The following PDE4D variants were observed in gnomAD, a reference collection of about 807,000 sequenced individuals.
PDE4D encodes the protein phosphodiesterase 4D, also known as 3',5'-cyclic-AMP phosphodiesterase 4D.
A neutral mutation model predicts 87.4 loss-of-function variants in PDE4D; 24 were observed. That is an observed-to-expected ratio of 0.27 (90% CI 0.20 to 0.39). The LOEUF is 0.39. Among genes scored for constraint, PDE4D ranks in the 10% least tolerant of loss-of-function variants. The pLI, the probability that PDE4D is intolerant of heterozygous loss-of-function variation, is 1.00. For synonymous variants in PDE4D, 384 were observed against 383.2 expected (o/e 1.00, Z -0.02); for missense variants, 714 against 1,041.0 (o/e 0.69, Z 4.32).
At chr5:59,836,144 G>T (rs997608476) in intron 1 of PDE4D, among the ~76,000 whole-genome samples, 2 of 151,944 alleles carry the variant, frequency 1.3e-5, no homozygotes, top group Admixed American at 6.6e-5. Flanking sequence ...TCAGTGGGAG[G>T]TATGTGTTCA....
At chr5:59,299,997 G>C (rs569260696) in intron 1 of PDE4D, among the ~76,000 whole-genome samples, 37 of 151,210 alleles carry the variant, frequency 2.4e-4, no homozygotes, top group Non-Finnish European at 3.5e-4. Flanking sequence ...CTGTAGTCCC[G>C]GCTACTTGGG....
At chr5:59,209,575 T>G (rs1459274617) in intron 2 of PDE4D, among the ~76,000 whole-genome samples, 3 of 152,198 alleles carry the variant, frequency 2.0e-5, no homozygotes. Flanking sequence ...AATATCTCAA[T>G]TTTTTAATAA....
In PDE4D at chr5:60,466,212, G is replaced by A. The variant is rs565385595; in HGVS notation, c.-90+21730C>T. Among the ~76,000 whole-genome samples, 111 of 152,238 alleles carry A rather than the reference G, an allele frequency of 7.3e-4. 1 individual carries two copies. Among genetic ancestry groups the A allele is most frequent in the Middle Eastern group, 6.8e-3 (2 of 294 alleles). ...CAATCTTATTTTAAAACATAGGAACGAGATGGTCATAAATGAGAGGTTACT... is the reference window on the plus strand; with the variant it reads ...CAATCTTATTTTAAAACATAGGAACAAGATGGTCATAAATGAGAGGTTACT... On this transcript the variant is annotated intron_variant, in intron 1 of 16. Transcript: ENST00000502484.
chr5:60,050,883 C>T (rs1302850472), intron 2 of PDE4D, among the ~76,000 whole-genome samples: 2 of 152,052 alleles, frequency 1.3e-5, no homozygotes, highest in East Asian at 3.9e-4. Flanking sequence ...GCAGAGGTTG[C>T]CATCCTAATT....
At chr5:59,650,887 C>A (rs1425682945) in intron 1 of PDE4D, among the ~76,000 whole-genome samples, 1 of 152,064 alleles carries the variant, frequency 6.6e-6, no homozygotes, top group East Asian at 1.9e-4. Context: ...AGGCAACAGC[C>A]CAGCCCAAAT....
chr5:59,254,921 C>T (rs1386056579), intron 1 of PDE4D, among the ~76,000 whole-genome samples: 2 of 152,100 alleles, frequency 1.3e-5, no homozygotes, highest in Admixed American at 1.3e-4. Context: ...AAAAATACAC[C>T]TTGACTACAT....
At chr5:59,981,803 G>C (rs1041547273) in intron 3 of PDE4D, among the ~76,000 whole-genome samples, 2 of 152,120 alleles carry the variant, frequency 1.3e-5, no homozygotes, top group African/African-American at 2.4e-5. Flanking sequence ...AAGTTTAAAA[G>C]GCCAAATTTG....
chr5:59,882,047 A>G (rs1581575550), intron 1 of PDE4D, among the ~76,000 whole-genome samples: 1 of 152,206 alleles, frequency 6.6e-6, no homozygotes, highest in East Asian at 1.9e-4. Flanking sequence ...GTTTCTCACA[A>G]ACTGTGGGTC....
chr5:59,574,008 ATATATATATATATATAT>A (rs1822360224), intron 1 of PDE4D, among the ~76,000 whole-genome samples: 4 of 97,486 alleles, frequency 4.1e-5, no homozygotes, highest in African/African-American at 1.6e-4. Flanking sequence ...AAAAAAAAAT[ATATATATATATATATAT>A]ATAAAAATAT....
chr5:59,075,340 TGTC>T (rs1765514557), intron 5 of PDE4D, among the ~76,000 whole-genome samples: 1 of 152,232 alleles, frequency 6.6e-6, no homozygotes, highest in Non-Finnish European at 1.5e-5. Flanking sequence ...ACTTCTCCTT[TGTC>T]AATTTTAATT....
At chr5:59,579,669 C>A (rs757128923) in intron 1 of PDE4D, among the ~76,000 whole-genome samples, 7 of 152,124 alleles carry the variant, frequency 4.6e-5, no homozygotes, top group Non-Finnish European at 7.4e-5. Flanking sequence ...AACAATGCCC[C>A]GCAGAGATGG....
chr5:60,109,192 T>G lies in PDE4D; in HGVS notation c.42+76365A>C, dbSNP rs1004091417. 1.2e-3 allele frequency among the ~76,000 whole-genome samples: 176 copies of G among 152,186 alleles called. 1 individual carries two copies. The highest frequency in any genetic ancestry group is 4.1e-3 in the African/African-American group (171 of 41,494). ...AAAAACAAACAACCCCATCAAAAAGTGGGCGAAGGCCATGAACAGACACTT... is the reference window on the plus strand; with the variant it reads ...AAAAACAAACAACCCCATCAAAAAGGGGGCGAAGGCCATGAACAGACACTT... On this transcript the variant is annotated intron_variant, in intron 2 of 16. Transcript: ENST00000502484.
rs1429298353 is a variant in PDE4D, at chr5:59,523,498, T to A, written c.456-307530A>T. On this transcript the variant is annotated intron_variant, in intron 1 of 14. Transcript: ENST00000340635. ...GCACAACATTTCTTACAGGTTTAGA[T>A]AGCACACCTTGTTTTGTGCTACATT... 3.9e-5 allele frequency among the ~76,000 whole-genome samples: 6 copies of A among 152,246 alleles called. No homozygotes were observed. In the East Asian group the frequency reaches 1.2e-3, roughly 29 times the overall value.
At chr5:60,462,184 A>G (rs1051006571) in intron 1 of PDE4D, among the ~76,000 whole-genome samples, 1 of 152,104 alleles carries the variant, frequency 6.6e-6, no homozygotes, top group Non-Finnish European at 1.5e-5. Context: ...CTCTTCCCCA[A>G]GTACTCATGA....
intron 1 of PDE4D, among the ~76,000 whole-genome samples, chr5:59,444,570 TG>T (rs2153637567): frequency 6.6e-6 from 1 of 152,240 alleles, no homozygotes; most frequent in African/African-American, 2.4e-5. Flanking sequence ...CTCAGCACTT[TG>T]GGAGGCCGAG....
intron 1 of PDE4D, among the ~76,000 whole-genome samples, chr5:59,649,905 C>CATTTTTT (rs1743128686): frequency 1.4e-5 from 1 of 72,406 alleles, no homozygotes; most frequent in South Asian, 5.5e-4. Context: ...GTTTGTGAAC[C>CATTTTTT]TTTTTTTTTT....
intron 1 of PDE4D, among the ~76,000 whole-genome samples, chr5:60,404,606 G>A (rs1741383881): frequency 1.3e-5 from 2 of 152,122 alleles, no homozygotes; most frequent in South Asian, 4.1e-4. Context: ...CCAGGAACAG[G>A]ATATTTTATT....
intron 1 of PDE4D, among the ~76,000 whole-genome samples, chr5:59,380,078 C>G (rs1177175083): frequency 6.6e-6 from 1 of 152,122 alleles, no homozygotes; most frequent in Non-Finnish European, 1.5e-5. Flanking sequence ...CTTCAAGCTT[C>G]TGCTGATTTT....
intron 1 of PDE4D, among the ~76,000 whole-genome samples, chr5:60,472,031 C>T (rs1381666352): frequency 6.6e-6 from 1 of 152,096 alleles, no homozygotes; most frequent in Non-Finnish European, 1.5e-5. Context: ...AACCATGTAA[C>T]ACCTGAGTCC....
Sources: allele counts gnomAD v4.1 joint callset (sites outside exome capture counted in the v4.1 genomes callset), GRCh38; gene constraint gnomAD v4.1.1; transcripts MANE v1.5; gene names NCBI Gene and HGNC (gene_info 2026-07-23, HGNC 2026-07-21).